EML4: variants seen among roughly 807,000 people sequenced by gnomAD.
The protein encoded by EML4 is echinoderm microtubule-associated protein-like 4.
A neutral mutation model predicts 129.0 loss-of-function variants in EML4; 72 were observed. The observed-to-expected ratio is 0.56, with a 90% CI of 0.46 to 0.68. The LOEUF (loss-of-function observed/expected upper bound fraction) is 0.68. EML4 is among the 30% of genes least tolerant of loss of function. The pLI is 0.00. For synonymous variants in EML4, 532 were observed against 405.0 expected, an observed-to-expected ratio of 1.31 and a Z score of -3.77; for missense variants, 1,363 against 1,190.6, an observed-to-expected ratio of 1.14 and a Z score of -2.13.
At chr2:42,263,399 T>A in intron 5 of EML4, 93 bp downstream of exon 5, 46 of 30,938 alleles carry the variant, frequency 1.5e-3, no homozygotes, top group Non-Finnish European at 2.5e-3. Flanking sequence ...GGTTTGAATC[T>A]TTTTTTTTTT....
intron 1 of EML4, among the ~76,000 whole-genome samples, chr2:42,178,781 A>C (rs181487155): frequency 4.6e-5 from 7 of 152,182 alleles, no homozygotes; most frequent in Non-Finnish European, 8.8e-5. Context: ...TGATTGGTAC[A>C]CTCAAACCAT....
At chr2:42,277,152 T>G (rs1314721279) in intron 6 of EML4, among the ~76,000 whole-genome samples, 1 of 152,214 alleles carries the variant, frequency 6.6e-6, no homozygotes, top group Admixed American at 6.5e-5. Context: ...GTCTTTTTTA[T>G]TCAGAAAGTA....
chr2:42,298,302 G>A (rs915583685), intron 13 of EML4, among the ~76,000 whole-genome samples: 1 of 152,148 alleles, frequency 6.6e-6, no homozygotes, highest in African/African-American at 2.4e-5. Flanking sequence ...TGCTTTTTAT[G>A]GAAGCTTTGT....
chr2:42,191,390 C>T (rs995227888), intron 1 of EML4, among the ~76,000 whole-genome samples: 1 of 152,082 alleles, frequency 6.6e-6, no homozygotes, highest in Non-Finnish European at 1.5e-5. Flanking sequence ...TCAAAGTTTC[C>T]CTCCCTCAAC....
intron 1 of EML4, among the ~76,000 whole-genome samples, chr2:42,207,052 A>G (rs1168063461): frequency 6.6e-6 from 1 of 152,186 alleles, no homozygotes; most frequent in African/African-American, 2.4e-5. Context: ...CTGTCACTGA[A>G]TATGTGTTCA....
At chr2:42,285,573 A>T (rs981304540) in intron 9 of EML4, among the ~76,000 whole-genome samples, 1 of 150,652 alleles carries the variant, frequency 6.6e-6, no homozygotes, top group African/African-American at 2.4e-5. Context: ...CTGGATTAGA[A>T]TCCTGACTCC....
intron 9 of EML4, among the ~76,000 whole-genome samples, chr2:42,285,064 T>C (rs1346825693): frequency 1.6e-5 from 2 of 128,076 alleles, no homozygotes; most frequent in Non-Finnish European, 1.7e-5. Context: ...TCTTATTTAC[T>C]TTCTTAATTA....
intron 1 of EML4, among the ~76,000 whole-genome samples, chr2:42,222,064 C>A (rs1051673164): frequency 3.3e-5 from 5 of 152,080 alleles, no homozygotes; most frequent in Non-Finnish European, 7.4e-5. Context: ...TTAGTCTTCT[C>A]TCTCTGTAGC....
At chr2:42,219,227 G>C (rs1673398555) in intron 1 of EML4, among the ~76,000 whole-genome samples, 1 of 152,188 alleles carries the variant, frequency 6.6e-6, no homozygotes, top group Non-Finnish European at 1.5e-5. Flanking sequence ...ACACCAGTTT[G>C]AACTGGGCAG....
At position 42,303,234 on chromosome 2, in the gene EML4, G is replaced by A. The variant is rs1212058953; in HGVS notation, c.1767+5G>A. On this transcript the variant is annotated splice_donor_5th_base_variant and intron_variant, in intron 15 of 22. Coordinates refer to ENST00000318522, the MANE Select transcript of EML4 (RefSeq NM_019063.5). ...GGCTTCCAAATAGAAGTACAGGTAA[G>A]CTGTGTGATATTAACCGTTAACTGA... The A allele has an allele frequency of 3.7e-6, 6 of 1,614,178 alleles. No individual in the cohort carries two copies. Among genetic ancestry groups the A allele is most frequent in the Non-Finnish European group, 4.2e-6 (5 of 1,180,022 alleles).
rs925041956 is a variant in EML4, at chr2:42,298,742, T to C, written c.1490-2499T>C. 3.9e-5 allele frequency among the ~76,000 whole-genome samples: 6 copies of C among 152,292 alleles called. No individual in the cohort carries two copies. The East Asian group carries it at 9.6e-4, about 24-fold the overall frequency. ...TCATTCTGGGAGGATTTTAAGTGTTTAACAAGGTTTTTGTCATGTTTAGAA... is the reference window on the plus strand; with the variant it reads ...TCATTCTGGGAGGATTTTAAGTGTTCAACAAGGTTTTTGTCATGTTTAGAA... On this transcript the variant is annotated intron_variant, in intron 13 of 22. Transcript: ENST00000318522.
chr2:42,280,986 A>G lies in EML4; in HGVS notation c.791+13A>G, dbSNP rs1388009766. On this transcript the variant is annotated intron_variant, in intron 7 of 22. Coordinates refer to ENST00000318522, the MANE Select transcript of EML4 (RefSeq NM_019063.5). ...AACTGGAGTGGGCGTATCCTTCTCT[A>G]CCATGACAGCAAATTCATTTGCTTT... is the stretch of plus-strand genomic sequence containing the variant. The G allele has an allele frequency of 1.9e-6, 3 of 1,557,480 alleles. No homozygotes were observed. Among genetic ancestry groups the G allele is most frequent in the Non-Finnish European group, 2.6e-6 (3 of 1,154,014 alleles).
Position 42,245,393 on chromosome 2 carries a change from G to A in EML4, c.26-112G>A, listed in dbSNP as rs1675331936. 8.6e-6 allele frequency: 9 copies of A among 1,046,914 alleles called. No homozygotes were observed. In the South Asian group the frequency reaches 1.5e-4, roughly 17 times the overall value. 64.9% of individuals were successfully genotyped at this position (1,046,914 alleles called of 1,614,324 possible). On this transcript the variant is annotated intron_variant, in intron 1 of 22. Transcript: ENST00000318522. ...GTACAGGCACGAGCCACTTCACCTA[G>A]CCAGAATTTTTCTCATCTTTTGTAA...
At chr2:42,223,839 A>C (rs1003826034) in intron 1 of EML4, among the ~76,000 whole-genome samples, 1 of 152,154 alleles carries the variant, frequency 6.6e-6, no homozygotes, top group Non-Finnish European at 1.5e-5. Flanking sequence ...AGTTGCCCTT[A>C]TCACTCCAGA....
At chr2:42,172,060 T>C (rs1670314926) in intron 1 of EML4, among the ~76,000 whole-genome samples, 1 of 142,176 alleles carries the variant, frequency 7.0e-6, no homozygotes, top group South Asian at 2.2e-4. Context: ...GTTTAAAAAC[T>C]TTTTTTTTTT....
chr2:42,306,486 T>G (rs976117116), intron 17 of EML4, among the ~76,000 whole-genome samples: 18 of 65,084 alleles, frequency 2.8e-4, no homozygotes, highest in Admixed American at 2.0e-3. Context: ...GCTAAATCCT[T>G]TTTTTTTTTT....
chr2:42,197,235 G>A (rs541454479), intron 1 of EML4, among the ~76,000 whole-genome samples: 2 of 152,136 alleles, frequency 1.3e-5, no homozygotes, highest in East Asian at 1.9e-4. Context: ...GCTAATTTTC[G>A]TATTGTTTTG....
chr2:42,282,938 C>T lies in EML4; in HGVS notation c.907C>T (p.Arg303Ter), dbSNP rs1029837802. ...VLFNYEERTQ[R>*]HYLGHTDCVK... The stretch of plus-strand genomic sequence containing the variant: ...ATTTAATTATGAGGAGAGAACTCAG[C>T]GACACTACCTGGGCCATACAGACTG... The change falls in exon 8 of 23, where the codon CGA (arginine) becomes TGA (stop). Residue 303 changes from arginine to a stop codon, truncating the protein, a stop_gained. Transcript: ENST00000318522. LOFTEE classifies it high-confidence loss of function. 3 of 1,613,494 alleles carry T rather than the reference C, an allele frequency of 1.9e-6. No individual in the cohort carries two copies. Among genetic ancestry groups the T allele is most frequent in the African/African-American group, 1.3e-5 (1 of 74,878 alleles).
intron 17 of EML4, among the ~76,000 whole-genome samples, chr2:42,305,198 G>A (rs569708020): frequency 4.5e-4 from 69 of 152,260 alleles, no homozygotes; most frequent in African/African-American, 1.6e-3. Context: ...GATTGCTTGA[G>A]GCCAGGAGTT....
Sources: allele counts gnomAD v4.1 joint callset (sites outside exome capture counted in the v4.1 genomes callset), GRCh38; gene constraint gnomAD v4.1.1; transcripts MANE v1.5; gene names NCBI Gene and HGNC (gene_info 2026-07-23, HGNC 2026-07-21).